VPS53: variants seen among roughly 807,000 people sequenced by gnomAD.
VPS53 encodes vacuolar protein sorting-associated protein 53 homolog.
VPS53 carries 70 observed loss-of-function variants against 107.0 expected under a neutral mutation model. The ratio of observed to expected loss-of-function variants is 0.65; its 90% CI spans 0.54 to 0.80. VPS53 has a LOEUF of 0.80. Ranked by LOEUF, VPS53 falls within the 30% of genes least tolerant of loss-of-function variation. The pLI is 0.00. For missense variants in VPS53, 917 were observed against 1,049.4 expected, an observed-to-expected ratio of 0.87 and a Z score of 1.74; for synonymous variants, 409 against 393.3, an observed-to-expected ratio of 1.04 and a Z score of -0.47.
chr17:709,621 T>C (rs1973561107), intron 2 of VPS53, among the ~76,000 whole-genome samples: 1 of 152,122 alleles, frequency 6.6e-6, no homozygotes, highest in African/African-American at 2.4e-5. Flanking sequence ...TTATCATCTC[T>C]GCACCCTCAG....
intron 4 of VPS53, among the ~76,000 whole-genome samples, chr17:691,233 C>T (rs750582239): frequency 3.9e-5 from 6 of 152,202 alleles, no homozygotes; most frequent in Admixed American, 1.3e-4. Context: ...GGCTTACACC[C>T]ATCCAGCTGG....
chr17:600,264 G>C (rs1038990415), intron 12 of VPS53, among the ~76,000 whole-genome samples: 3 of 152,200 alleles, frequency 2.0e-5, no homozygotes, highest in Non-Finnish European at 4.4e-5. Flanking sequence ...GTGTTTAACT[G>C]CACAATTTCG....
chr17:613,466 A>T (rs867507580), intron 11 of VPS53, among the ~76,000 whole-genome samples: 2 of 152,326 alleles, frequency 1.3e-5, no homozygotes, highest in Middle Eastern at 3.4e-3. Context: ...CACAGTGAAA[A>T]CCTGTACAAA....
chr17:713,648 T>C (rs968271547), intron 1 of VPS53, among the ~76,000 whole-genome samples: 1 of 150,558 alleles, frequency 6.6e-6, no homozygotes, highest in Non-Finnish European at 1.5e-5. Context: ...CGAGACTCCG[T>C]CTCAGAAAAC....
chr17:533,217 T>C (rs1909738745), intron 18 of VPS53, among the ~76,000 whole-genome samples: 1 of 152,200 alleles, frequency 6.6e-6, no homozygotes, highest in Admixed American at 6.5e-5. Flanking sequence ...AGAGGGAATA[T>C]GATCGAAGCT....
At chr17:679,234 G>A (rs1224024011) in intron 4 of VPS53, among the ~76,000 whole-genome samples, 1 of 152,004 alleles carries the variant, frequency 6.6e-6, no homozygotes, top group East Asian at 1.9e-4. Context: ...TGAAAAGAGA[G>A]GCCAGATGCG....
At chr17:527,678 A>G (rs906239489) in intron 19 of VPS53, among the ~76,000 whole-genome samples, 8 of 152,180 alleles carry the variant, frequency 5.3e-5, no homozygotes, top group African/African-American at 1.7e-4. Context: ...CAGTGGTGCA[A>G]TCATAGCTCA....
chr17:671,621 A>G (rs1460914039), intron 4 of VPS53, among the ~76,000 whole-genome samples: 1 of 152,074 alleles, frequency 6.6e-6, no homozygotes, highest in Non-Finnish European at 1.5e-5. Context: ...TCCCCTCCGC[A>G]TGCGAAATCT....
chr17:697,273 T>C (rs2143913058), intron 4 of VPS53, 145 bp downstream of exon 4: 1 of 728,546 alleles, frequency 1.4e-6, no homozygotes, highest in Non-Finnish European at 2.4e-6. Context: ...GTGGCTGCTG[T>C]GGGCGCCTGC....
chr17:601,567 G>C (rs1445064039), intron 12 of VPS53, among the ~76,000 whole-genome samples: 3 of 152,228 alleles, frequency 2.0e-5, no homozygotes, highest in Admixed American at 2.0e-4. Flanking sequence ...TGAAGCTTGT[G>C]TGTGTCCTGG....
intron 17 of VPS53, among the ~76,000 whole-genome samples, chr17:547,727 T>A (rs979656644): frequency 9.2e-5 from 14 of 152,186 alleles, no homozygotes; most frequent in Non-Finnish European, 1.5e-4. Context: ...AACCTCGGCC[T>A]CCCAGGTTCA....
chr17:604,380 C>G (rs377624918), intron 11 of VPS53, among the ~76,000 whole-genome samples: 1 of 152,156 alleles, frequency 6.6e-6, no homozygotes, highest in South Asian at 2.1e-4. Context: ...CAAGAAAACG[C>G]AGAGGGTAGG....
At chr17:661,785 G>A in intron 5 of VPS53, 24 bp downstream of exon 5, 1 of 1,547,544 alleles carries the variant, frequency 6.5e-7, no homozygotes, top group Non-Finnish European at 8.7e-7. Flanking sequence ...GGTGCAAAAA[G>A]GTTAGGAAGA....
At chr17:672,174 A>ACTCTCTCTCTCTCTCTCTCTCTCTCTCT (rs1567727983) in intron 4 of VPS53, among the ~76,000 whole-genome samples, 6 of 40,292 alleles carry the variant, frequency 1.5e-4, no homozygotes, top group South Asian at 1.0e-3. Flanking sequence ...ACACAATCTC[A>ACTCTCTCTCTCTCTCTCTCTCTCTCTCT]ATCTCTCTCT....
chr17:549,843 G>A (rs76142994), intron 17 of VPS53, among the ~76,000 whole-genome samples: 1,606 of 152,290 alleles, frequency 0.011, 35 homozygotes, highest in African/African-American at 0.035. Flanking sequence ...CATCAGCACC[G>A]GACTGCTGAA....
intron 2 of VPS53, among the ~76,000 whole-genome samples, chr17:700,613 G>GT (rs1300837845): frequency 6.6e-6 from 1 of 152,084 alleles, no homozygotes; most frequent in Non-Finnish European, 1.5e-5. Flanking sequence ...CACTACTACT[G>GT]TGATTATAAT....
chr17:611,509 G>C (rs1261938121), intron 11 of VPS53, among the ~76,000 whole-genome samples: 1 of 152,208 alleles, frequency 6.6e-6, no homozygotes, highest in Non-Finnish European at 1.5e-5. Flanking sequence ...CCGTGTGGCT[G>C]CTTCGAAAAC....
intron 4 of VPS53, 35 bp downstream of exon 4, chr17:697,383 G>A (rs753815137): frequency 1.3e-6 from 2 of 1,578,670 alleles, no homozygotes; most frequent in Non-Finnish European, 1.7e-6. Flanking sequence ...AGAAACCAGG[G>A]GAGCATAGGT....
chr17:584,428 A>C (rs1316990265), intron 13 of VPS53, among the ~76,000 whole-genome samples: 2 of 152,222 alleles, frequency 1.3e-5, no homozygotes, highest in African/African-American at 4.8e-5. Context: ...ATTTTTTTAA[A>C]AACAGGGTGG....
Sources: gnomAD v4.1 joint callset for allele counts (sites outside exome capture counted in the v4.1 genomes callset) on GRCh38, gnomAD v4.1.1 for gene constraint, MANE v1.5 for transcripts, NCBI Gene and HGNC (gene_info 2026-07-23, HGNC 2026-07-21) for gene names.